The following FAF1 variants were observed in gnomAD, a reference collection of about 807,000 sequenced individuals.
FAF1 encodes the protein Fas associated factor 1, also known as FAS-associated factor 1.
A neutral mutation model predicts 92.5 loss-of-function variants in FAF1; 25 were observed. The ratio of observed to expected loss-of-function variants is 0.27; its 90% confidence interval spans 0.20 to 0.38. The LOEUF (loss-of-function observed/expected upper bound fraction) is 0.38. Among genes scored for constraint, FAF1 ranks in the 10% least tolerant of loss-of-function variants. The pLI is 1.00. For missense variants in FAF1, 636 were observed against 793.3 expected, an observed-to-expected ratio of 0.80 and a Z score of 2.38; for synonymous variants, 234 against 273.2, an observed-to-expected ratio of 0.86 and a Z score of 1.42.
chr1:50,679,317 A>G (rs1308410211), intron 7 of FAF1, among the ~76,000 whole-genome samples: 1 of 123,348 alleles, frequency 8.1e-6, no homozygotes, highest in Non-Finnish European at 1.7e-5. Context: ...AAAAAAAAAA[A>G]AAGTACAAAA....
chr1:50,764,416 T>C (rs1660485656), intron 4 of FAF1, among the ~76,000 whole-genome samples: 1 of 152,232 alleles, frequency 6.6e-6, no homozygotes. Flanking sequence ...TTCAGATACC[T>C]GCATGTTTCC....
chr1:50,623,623 G>T (rs543986870), intron 8 of FAF1, among the ~76,000 whole-genome samples: 1 of 151,426 alleles, frequency 6.6e-6, no homozygotes, highest in African/African-American at 2.4e-5. Context: ...TTTGGCTCAG[G>T]TTTAAAAAAA....
chr1:50,710,414 C>T (rs1376825434), intron 6 of FAF1, among the ~76,000 whole-genome samples: 6 of 152,084 alleles, frequency 3.9e-5, no homozygotes, highest in Admixed American at 1.3e-4. Flanking sequence ...GATCTGAATC[C>T]GTTTCACTAC....
At chr1:50,926,153 A>AT (rs752742279) in intron 1 of FAF1, among the ~76,000 whole-genome samples, 14 of 152,100 alleles carry the variant, frequency 9.2e-5, no homozygotes, top group Non-Finnish European at 1.8e-4. Flanking sequence ...AGAGTTTAAC[A>AT]TTACTGAAGC....
chr1:50,479,954 C>T (rs988777200), intron 17 of FAF1, among the ~76,000 whole-genome samples: 2 of 152,130 alleles, frequency 1.3e-5, no homozygotes, highest in African/African-American at 4.8e-5. Context: ...TGGCTAAGAG[C>T]AAGGGCCTCC....
intron 4 of FAF1, among the ~76,000 whole-genome samples, chr1:50,750,956 TA>T (rs1659839660): frequency 7.0e-6 from 1 of 143,726 alleles, no homozygotes; most frequent in Admixed American, 6.9e-5. Flanking sequence ...TACAAACAAA[TA>T]GCTCCAAGTT....
intron 15 of FAF1, among the ~76,000 whole-genome samples, chr1:50,529,040 T>C (rs11587148): frequency 0.23 from 35,310 of 152,154 alleles, 4,526 homozygotes; most frequent in Middle Eastern, 0.43. Context: ...TGGTTATCAG[T>C]AGGCTGTTAG....
intron 2 of FAF1, among the ~76,000 whole-genome samples, chr1:50,811,393 A>G (rs1643910348): frequency 6.6e-6 from 1 of 152,154 alleles, no homozygotes; most frequent in African/African-American, 2.4e-5. Context: ...AAAAATTAGT[A>G]GCATTTCTAT....
At chr1:50,749,028 G>A (rs1057134918) in intron 4 of FAF1, among the ~76,000 whole-genome samples, 1 of 152,156 alleles carries the variant, frequency 6.6e-6, no homozygotes, top group Non-Finnish European at 1.5e-5. Flanking sequence ...AATAATTCTG[G>A]TTCAACACTA....
intron 13 of FAF1, among the ~76,000 whole-genome samples, chr1:50,561,829 AGACGGATG>A (rs1362311371): frequency 1.3e-4 from 19 of 142,780 alleles, no homozygotes; most frequent in East Asian, 6.0e-4. Flanking sequence ...CATCTAGGAC[AGACGGATG>A]GACGGATGGA....
chr1:50,637,931 C>T (rs1391334589), intron 8 of FAF1, among the ~76,000 whole-genome samples: 1 of 151,712 alleles, frequency 6.6e-6, no homozygotes, highest in African/African-American at 2.4e-5. Flanking sequence ...TATATATACA[C>T]CAACACATGA....
chr1:50,453,624 C>T (rs1470804445), intron 18 of FAF1, among the ~76,000 whole-genome samples: 1 of 152,190 alleles, frequency 6.6e-6, no homozygotes, highest in Admixed American at 6.5e-5. Flanking sequence ...ATGAACAGAG[C>T]ACGTGTTTTC....
chr1:50,819,682 TATATATATACATATATATATAC>T lies in FAF1; in HGVS notation c.115-18027_115-18006del, dbSNP rs1557543181. Among the ~76,000 whole-genome samples the T allele has an allele frequency of 8.0e-5, 8 of 100,228 alleles. No homozygotes were observed. In the South Asian group the frequency reaches 9.1e-4, roughly 11 times the overall value. The allele number at this position is 100,228 out of a possible 152,430, so 65.8% of individuals were successfully genotyped here. On this transcript the variant is annotated intron_variant, in intron 2 of 18. Transcript: ENST00000396153. ...CACACACACACACTCTCTCTCTGTATATATATATACATATATATATACATATATATATACGTATATATATATA... is the reference window on the plus strand; with the variant it reads ...CACACACACACACTCTCTCTCTGTATATATATATATACGTATATATATATA...
intron 7 of FAF1, among the ~76,000 whole-genome samples, chr1:50,669,384 C>A: frequency 6.6e-6 from 1 of 152,030 alleles, no homozygotes; most frequent in East Asian, 1.9e-4. Context: ...GTAAAAAAGG[C>A]ACATGGAGAG....
chr1:50,612,957 C>CT (rs1182445757), intron 8 of FAF1, among the ~76,000 whole-genome samples: 2 of 152,278 alleles, frequency 1.3e-5, no homozygotes, highest in Non-Finnish European at 2.9e-5. Flanking sequence ...TTAGGTGACT[C>CT]TAAGGTCCTT....
chr1:50,767,067 G>A (rs1261449954), intron 4 of FAF1, among the ~76,000 whole-genome samples: 2 of 152,092 alleles, frequency 1.3e-5, no homozygotes, highest in Non-Finnish European at 1.5e-5. Flanking sequence ...AGGATTCTAA[G>A]GAATACAATA....
intron 1 of FAF1, among the ~76,000 whole-genome samples, chr1:50,884,535 A>G (rs1431384375): frequency 6.6e-6 from 1 of 151,894 alleles, no homozygotes; most frequent in African/African-American, 2.4e-5. Context: ...AAAAAAAAAA[A>G]AAAATTTTTT....
chr1:50,632,577 A>G (rs1477135019), intron 8 of FAF1, among the ~76,000 whole-genome samples: 2 of 152,174 alleles, frequency 1.3e-5, no homozygotes, highest in African/African-American at 4.8e-5. Context: ...AATTACATTT[A>G]CACTTTAGGG....
intron 17 of FAF1, among the ~76,000 whole-genome samples, chr1:50,483,803 C>T (rs539691644): frequency 5.3e-5 from 8 of 152,100 alleles, no homozygotes; most frequent in East Asian, 1.9e-4. Context: ...TGGATGTAAA[C>T]GAGATAAGTC....
Sources: gnomAD v4.1 joint callset for allele counts (sites outside exome capture counted in the v4.1 genomes callset) on GRCh38, gnomAD v4.1.1 for gene constraint, MANE v1.5 for transcripts, NCBI Gene and HGNC (gene_info 2026-07-23, HGNC 2026-07-21) for gene names.